EBF1: variants seen among roughly 807,000 people sequenced by gnomAD.
The protein encoded by EBF1 is transcription factor COE1.
Under a neutral mutation model 68.4 loss-of-function variants are expected in EBF1, and 10 were observed. The observed-to-expected ratio is 0.15, with a 90% CI of 0.09 to 0.25. The LOEUF (loss-of-function observed/expected upper bound fraction) is 0.25, where lower values mean the gene tolerates loss of function less well. Ranked by LOEUF, EBF1 falls within the 10% of genes least tolerant of loss-of-function variation. The pLI is 1.00. For missense variants in EBF1, 509 were observed against 794.4 expected (o/e 0.64, Z 4.32); for synonymous variants, 298 against 299.8 (o/e 0.99, Z 0.06).
At chr5:158,940,501 C>G (rs555787205) in intron 6 of EBF1, among the ~76,000 whole-genome samples, 1 of 152,194 alleles carries the variant, frequency 6.6e-6, no homozygotes. Context: ...GGTAAAATAA[C>G]TTCCCCAAGG....
At chr5:159,061,433 GA>G (rs769363443) in intron 6 of EBF1, among the ~76,000 whole-genome samples, 305 of 139,856 alleles carry the variant, frequency 2.2e-3, no homozygotes, top group Admixed American at 2.6e-3. Flanking sequence ...GAACTTCCAA[GA>G]AAAAAAAAAA....
intron 8 of EBF1, among the ~76,000 whole-genome samples, chr5:158,819,038 C>T (rs1283135463): frequency 6.6e-6 from 1 of 151,822 alleles, no homozygotes; most frequent in East Asian, 1.9e-4. Context: ...GCTCACATTT[C>T]TCTAGTCACC....
chr5:159,002,039 G>T (rs902930346), intron 6 of EBF1, among the ~76,000 whole-genome samples: 1 of 152,108 alleles, frequency 6.6e-6, no homozygotes, highest in African/African-American at 2.4e-5. Context: ...TGTAATGGTT[G>T]CAGGGTTCCA....
intron 10 of EBF1, among the ~76,000 whole-genome samples, chr5:158,763,247 A>G (rs916915666): frequency 6.6e-6 from 1 of 152,200 alleles, no homozygotes; most frequent in African/African-American, 2.4e-5. Flanking sequence ...TTAAATTACA[A>G]GAGTGCAGCA....
At chr5:158,944,018 T>C (rs1218288303) in intron 6 of EBF1, among the ~76,000 whole-genome samples, 1 of 152,182 alleles carries the variant, frequency 6.6e-6, no homozygotes, top group Non-Finnish European at 1.5e-5. Flanking sequence ...CCACAAGCAA[T>C]TGATTTGTGT....
intron 6 of EBF1, among the ~76,000 whole-genome samples, chr5:158,853,309 A>G (rs1029048775): frequency 6.6e-6 from 1 of 152,150 alleles, no homozygotes; most frequent in Non-Finnish European, 1.5e-5. Context: ...CCCCAACTAT[A>G]TATCTGCTTT....
chr5:158,844,109 T>C (rs546147953), intron 6 of EBF1, among the ~76,000 whole-genome samples: 2 of 151,488 alleles, frequency 1.3e-5, no homozygotes, highest in African/African-American at 4.8e-5. Flanking sequence ...AAGCCCCTAT[T>C]GACCCTGTAG....
At chr5:158,843,530 G>A (rs1018405173) in intron 6 of EBF1, among the ~76,000 whole-genome samples, 4 of 152,136 alleles carry the variant, frequency 2.6e-5, no homozygotes, top group Middle Eastern at 3.2e-3. Context: ...AGAGTCCCCC[G>A]CCTGCCCCCT....
intron 6 of EBF1, among the ~76,000 whole-genome samples, chr5:159,066,829 A>G (rs1057513981): frequency 3.3e-5 from 5 of 152,048 alleles, no homozygotes; most frequent in African/African-American, 4.8e-5. Context: ...TGAAAGACAA[A>G]CCTGTACTGT....
intron 10 of EBF1, among the ~76,000 whole-genome samples, chr5:158,766,602 A>G (rs1772709470): frequency 6.6e-6 from 1 of 152,196 alleles, no homozygotes; most frequent in Admixed American, 6.5e-5. Context: ...AGAACACCAA[A>G]TATTCAGAAT....
chr5:158,969,902 AAGAAAGAAAGAAAG>A (rs1755170135), intron 6 of EBF1, among the ~76,000 whole-genome samples: 11 of 119,090 alleles, frequency 9.2e-5, no homozygotes, highest in African/African-American at 3.1e-4. Flanking sequence ...GAAAGAAAGA[AAGAAAGAAAGAAAG>A]AAAAAAAAAA....
intron 6 of EBF1, among the ~76,000 whole-genome samples, chr5:158,875,537 C>T (rs1011240114): frequency 6.6e-6 from 1 of 152,204 alleles, no homozygotes; most frequent in Non-Finnish European, 1.5e-5. Context: ...ACAAATATTA[C>T]TGAGCCATAA....
chr5:158,854,182 C>T (rs764535244), intron 6 of EBF1, among the ~76,000 whole-genome samples: 1 of 152,176 alleles, frequency 6.6e-6, no homozygotes, highest in East Asian at 1.9e-4. Flanking sequence ...ACTGTAATAA[C>T]CAAAGTGGCA....
intron 6 of EBF1, among the ~76,000 whole-genome samples, chr5:158,978,006 C>T (rs1242302550): frequency 1.3e-5 from 2 of 152,244 alleles, no homozygotes; most frequent in Non-Finnish European, 2.9e-5. Flanking sequence ...CACACCCACA[C>T]GGTCTACCCG....
At chr5:159,023,016 G>C (rs758988088) in intron 6 of EBF1, among the ~76,000 whole-genome samples, 7 of 152,122 alleles carry the variant, frequency 4.6e-5, no homozygotes, top group Admixed American at 6.5e-5. Context: ...TTGAGACCTT[G>C]CCTTCCCAGT....
At chr5:158,768,344 C>T (rs766897690) in intron 10 of EBF1, among the ~76,000 whole-genome samples, 7 of 151,842 alleles carry the variant, frequency 4.6e-5, no homozygotes, top group Non-Finnish European at 1.0e-4. Flanking sequence ...TCATAACTCC[C>T]TGATATTTAT....
intron 6 of EBF1, among the ~76,000 whole-genome samples, chr5:158,994,777 T>C (rs890945020): frequency 1.3e-5 from 2 of 152,194 alleles, no homozygotes; most frequent in African/African-American, 2.4e-5. Flanking sequence ...AAAAACACAG[T>C]TTTGCTCAAA....
chr5:158,893,446 G>T (rs1037479579), intron 6 of EBF1, among the ~76,000 whole-genome samples: 1 of 152,154 alleles, frequency 6.6e-6, no homozygotes, highest in African/African-American at 2.4e-5. Context: ...TCTACGCTAT[G>T]TCACAATATT....
At chr5:158,920,913 T>C (rs768339326) in intron 6 of EBF1, among the ~76,000 whole-genome samples, 5 of 152,252 alleles carry the variant, frequency 3.3e-5, no homozygotes, top group Non-Finnish European at 5.9e-5. Flanking sequence ...CCCTGTGTTT[T>C]AATTTGCCTA....
Sources: gnomAD v4.1 joint callset for allele counts (sites outside exome capture counted in the v4.1 genomes callset) on GRCh38, gnomAD v4.1.1 for gene constraint, MANE v1.5 for transcripts, NCBI Gene and HGNC (gene_info 2026-07-23, HGNC 2026-07-21) for gene names.